The following KEL variants were observed in gnomAD, a reference collection of about 807,000 sequenced individuals.
KEL encodes kell blood group glycoprotein.
KEL carries 96 observed loss-of-function variants against 99.5 expected under a neutral mutation model. The observed-to-expected ratio is 0.97, with a 90% CI of 0.82 to 1.14. The LOEUF (loss-of-function observed/expected upper bound fraction) is 1.14, where lower values mean the gene tolerates loss of function less well. KEL is among the 50% of genes most tolerant of loss of function. The pLI, the probability that KEL is intolerant of heterozygous loss-of-function variation, is 0.00. For synonymous variants in KEL, 355 were observed against 354.8 expected (o/e 1.00, Z -0.01); for missense variants, 926 against 924.2 (o/e 1.00, Z -0.03).
Position 142,959,081 on chromosome 7 carries a change from G to C in KEL, c.401-653C>G, listed in dbSNP as rs559839544. On this transcript the variant is annotated intron_variant, in intron 4 of 18. Transcript: ENST00000355265. ...AACCAAGCTGTGCCCCAGCCACCTT[G>C]GGCACATGTTCTCAGGATCTCCTGA... 2.0e-5 allele frequency among the ~76,000 whole-genome samples: 3 copies of C among 152,232 alleles called. No homozygotes were observed. In the South Asian group the frequency reaches 6.2e-4, roughly 32 times the overall value.
chr7:142,942,136 T>G, intron 18 of KEL: 1 of 472,642 alleles, frequency 2.1e-6, no homozygotes, highest in Non-Finnish European at 3.8e-6. Flanking sequence ...GCATCTGTAT[T>G]TTGGGGGTAT....
intron 10 of KEL, among the ~76,000 whole-genome samples, chr7:142,948,954 C>A (rs1796604814): frequency 1.3e-5 from 2 of 150,800 alleles, no homozygotes; most frequent in Admixed American, 6.6e-5. Flanking sequence ...TGCTGGCATG[C>A]CATATCCTAG....
intron 13 of KEL, among the ~76,000 whole-genome samples, 185 bp downstream of exon 13, chr7:142,944,138 G>T (rs777741657): frequency 6.6e-6 from 1 of 152,202 alleles, no homozygotes; most frequent in Non-Finnish European, 1.5e-5. Flanking sequence ...GACCTGAAAA[G>T]ATTCTGTTCT....
rs747320273 is a variant in KEL at position 142,961,844 on chromosome 7, G to A, written c.32C>T (p.Pro11Leu). MEGGDQSEEE[P>L]RERSQAGGMG... ...TCCACCTGCCTGGCTGCGTTCCCTC[G>A]GCTCTTCCTCACTTTGGTCCCCACC... is the stretch of plus-strand genomic sequence containing the variant. Residue 11 changes from proline to leucine, a missense_variant, in exon 2 of 19, where the codon CCG (proline) becomes CTG (leucine). By Grantham distance (98) the Pro-to-Leu change is moderately conservative (BLOSUM62 -3). Coordinates refer to ENST00000355265, the MANE Select transcript of KEL (RefSeq NM_000420.3). 22 of 1,614,000 alleles carry A rather than the reference G, an allele frequency of 1.4e-5. No individual in the cohort carries two copies. The highest frequency in any genetic ancestry group is 1.6e-4 in the Middle Eastern group (1 of 6,062).
chr7:142,961,309 C>G lies in KEL; in HGVS notation c.223+51G>C, dbSNP rs747953362. On this transcript the variant is annotated intron_variant, in intron 3 of 18. Transcript: ENST00000355265. Reference sequence around the variant, plus strand: ...CAGGAGCAGGGACTGGGCCTGGGCCCCAGGGCTGGGGGAGGGCTGACTAGG... The same window carrying G: ...CAGGAGCAGGGACTGGGCCTGGGCCGCAGGGCTGGGGGAGGGCTGACTAGG... 4 of 1,612,006 alleles carry G rather than the reference C, an allele frequency of 2.5e-6. No individual in the cohort carries two copies. In the Admixed American group the frequency reaches 5.0e-5, roughly 20 times the overall value.
chr7:142,954,692 G>A (rs1309564874), intron 6 of KEL, 165 bp from the exon 7 acceptor site: 3 of 166,046 alleles, frequency 1.8e-5, no homozygotes, highest in African/African-American at 7.2e-5. Flanking sequence ...AAGGGTTGAG[G>A]GGCATGAGAA....
chr7:142,952,683 G>A (rs746307062), intron 9 of KEL, 45 bp from the exon 10 acceptor site: 15 of 1,611,048 alleles, frequency 9.3e-6, no homozygotes, highest in East Asian at 4.5e-5. Context: ...AGGAATCTGG[G>A]GATGCTTCAA....
chr7:142,952,377 G>T, intron 10 of KEL, 132 bp downstream of exon 10: 2 of 1,221,078 alleles, frequency 1.6e-6, no homozygotes, highest in Admixed American at 1.7e-5. Flanking sequence ...CTGCTTCTAT[G>T]GAAAGCCAAG....
At chr7:142,953,695 C>T in intron 9 of KEL, 113 bp downstream of exon 9, 2 of 1,274,696 alleles carry the variant, frequency 1.6e-6, no homozygotes, top group Non-Finnish European at 2.3e-6. Flanking sequence ...CTCTTATCCT[C>T]CTGGGAGGCC....
intron 6 of KEL, among the ~76,000 whole-genome samples, chr7:142,956,632 G>A (rs1796836865): frequency 6.6e-6 from 1 of 151,974 alleles, no homozygotes; most frequent in African/African-American, 2.4e-5. Context: ...TCCTCCCCCT[G>A]GCTCAGCATT....
At chr7:142,960,604 G>T (rs1796932517) in intron 4 of KEL, among the ~76,000 whole-genome samples, 2 of 152,170 alleles carry the variant, frequency 1.3e-5, no homozygotes, top group Admixed American at 1.3e-4. Context: ...AAGTTGGAGA[G>T]AATGGAGTAA....
Position 142,957,946 on chromosome 7 carries a change from A to G in KEL, c.553T>C (p.Trp185Arg). 1.2e-6 allele frequency: 2 copies of G among 1,614,134 alleles called. No individual in the cohort carries two copies. The highest frequency in any genetic ancestry group is 2.7e-5 in the African/African-American group (2 of 75,016). ...GTTCGGTTAAAGTTTAAGGAAGTCC[A>G]TTTACCAGAGATGCGCCAGCCTCCA... ...ELGGWRISGK[W>R]TSLNFNRTLR... Residue 185 changes from tryptophan to arginine, a missense_variant, in exon 6 of 19, where the codon TGG becomes CGG. By Grantham distance (101) the Trp-to-Arg change is moderately radical (BLOSUM62 -3). Coordinates refer to ENST00000355265, the MANE Select transcript of KEL (RefSeq NM_000420.3).
intron 2 of KEL, 37 bp downstream of exon 2, chr7:142,961,758 T>A (rs1796964775): frequency 6.5e-7 from 1 of 1,535,624 alleles, no homozygotes; most frequent in Non-Finnish European, 9.0e-7. Flanking sequence ...AGTGACAACA[T>A]CAGTGTATTC....
chr7:142,962,013 C>A, intron 1 of KEL, 141 bp from the exon 2 acceptor site: 1 of 1,609,868 alleles, frequency 6.2e-7, no homozygotes, highest in Non-Finnish European at 8.5e-7. Context: ...AGCAGTGTTC[C>A]CAGATGGGCT....
intron 10 of KEL, among the ~76,000 whole-genome samples, chr7:142,949,258 C>A (rs1796613657): frequency 6.6e-6 from 1 of 152,154 alleles, no homozygotes; most frequent in Non-Finnish European, 1.5e-5. Flanking sequence ...CTTGATTTAG[C>A]CAGGCTTGAA....
rs201077750 is a variant in KEL at position 142,957,993 on chromosome 7, G to C, written c.526-20C>G. 9.9e-6 allele frequency: 16 copies of C among 1,612,072 alleles called. No homozygotes were observed. The Admixed American group carries it at 2.7e-4, about 27-fold the overall frequency. The stretch of plus-strand genomic sequence containing the variant: ...TCCAAGCTTTAAAGGAGAGAGAGGG[G>C]GCTGAGCATAAGGATCCGTGGAGCC... On this transcript the variant is annotated intron_variant, in intron 5 of 18. Coordinates refer to ENST00000355265, the MANE Select transcript of KEL (RefSeq NM_000420.3).
chr7:142,954,472 T>C lies in KEL; in HGVS notation c.728A>G (p.Tyr243Cys). The C allele has an allele frequency of 1.9e-6, 3 of 1,614,002 alleles. No homozygotes were observed. Among genetic ancestry groups the C allele is most frequent in the East Asian group, 2.2e-5 (1 of 44,868 alleles). The change falls in exon 7 of 19, where the codon TAT (tyrosine) becomes TGT (cysteine). Residue 243 changes from tyrosine (Y) to cysteine (C), a missense_variant. Coordinates refer to ENST00000355265, the MANE Select transcript of KEL (RefSeq NM_000420.3). ...GTCCATGTGCCATCTTACCTGGGCA[T>C]AGATCTTCTGTTCTTGATCTTGCTT... ...PLKQDQEQKI[Y>C]AQIFREYLTY...
At chr7:142,960,804 T>C in intron 4 of KEL, 124 bp downstream of exon 4, 3 of 1,027,996 alleles carry the variant, frequency 2.9e-6, no homozygotes, top group Non-Finnish European at 4.6e-6. Flanking sequence ...TCCACCCGTA[T>C]AATCCCACCT....
At chr7:142,941,648 G>A (rs1172297469) in intron 18 of KEL, among the ~76,000 whole-genome samples, 2 of 152,112 alleles carry the variant, frequency 1.3e-5, no homozygotes, top group African/African-American at 2.4e-5. Context: ...AGGGTCTAGC[G>A]CAGGAGCTCT....
Sources: gnomAD v4.1 joint callset for allele counts (sites outside exome capture counted in the v4.1 genomes callset) on GRCh38, gnomAD v4.1.1 for gene constraint, MANE v1.5 for transcripts, NCBI Gene and HGNC (gene_info 2026-07-23, HGNC 2026-07-21) for gene names.